DDX39A: variants seen among roughly 807,000 people sequenced by gnomAD.
DDX39A encodes ATP-dependent RNA helicase DDX39A.
DDX39A carries 13 observed loss-of-function variants against 46.3 expected under a neutral mutation model. The ratio of observed to expected loss-of-function variants is 0.28; its 90% CI spans 0.18 to 0.45. DDX39A has a LOEUF of 0.45. DDX39A is among the 20% of genes least tolerant of loss of function. DDX39A has a pLI of 1.00. For missense variants in DDX39A, 352 were observed against 581.8 expected (o/e 0.61, Z 4.06); for synonymous variants, 234 against 224.6 (o/e 1.04, Z -0.38).
chr19:14,411,046 G>C lies in DDX39A; in HGVS notation c.556C>G (p.Leu186Val). The change falls in exon 5 of 11, where the codon CTA becomes GTA. Residue 186 changes from leucine to valine, a missense_variant. By Grantham distance (32) the Leu-to-Val change is conservative. Coordinates refer to ENST00000242776, the MANE Select transcript of DDX39A (RefSeq NM_005804.4). The surrounding 1 kb of genome is among the most constrained non-coding windows in gnomAD (Gnocchi z 4.1). Reference protein sequence around the residue: ...LALVRNRSFSLKNVKHFVLDE... With the variant: ...LALVRNRSFSVKNVKHFVLDE... ...AGCACAAAGTGCTTCACATTCTTTA[G>C]GCTGAAGCTCCTATTCCGCACGAGC... 6.2e-7 allele frequency: 1 copy of C among 1,611,542 alleles called. No homozygotes were observed. The highest frequency in any genetic ancestry group is 8.5e-7 in the Non-Finnish European group (1 of 1,178,788).
chr19:14,418,120 C>CAA (rs60701169), intron 1 of DDX39A, among the ~76,000 whole-genome samples: 3,689 of 50,922 alleles, frequency 0.072, 285 homozygotes, highest in African/African-American at 0.12. Context: ...GGCTCTGTCT[C>CAA]AAAAAAAAAA....
At position 14,410,670 on chromosome 19, in the gene DDX39A, C is replaced by T. The variant is rs1265712275; in HGVS notation, c.613+319G>A. ...CCTCCCAGGACACAAGCCCATCTCCCACCGGCCCTGTCGGGGCTCACTGAG... is the reference window on the plus strand; with the variant it reads ...CCTCCCAGGACACAAGCCCATCTCCTACCGGCCCTGTCGGGGCTCACTGAG... On this transcript the variant is annotated intron_variant, in intron 5 of 10. Transcript: ENST00000242776. The surrounding 1 kb of genome is among the most constrained non-coding windows in gnomAD (Gnocchi z 4.3). 3 of 517,926 alleles carry T rather than the reference C, an allele frequency of 5.8e-6. No individual in the cohort carries two copies. The highest frequency in any genetic ancestry group is 1.1e-5 in the Non-Finnish European group (3 of 284,308). 32.1% of individuals were successfully genotyped at this position (517,926 alleles called of 1,614,324 possible). A position where few individuals can be genotyped will look rare whatever the true frequency, so the allele number is the denominator to read the frequency against.
rs774780759 is a variant in DDX39A, at chr19:14,409,179, G to A, written c.1125C>T (p.Ala375=). The change falls in exon 10 of 11, where the codon GCC becomes GCT. Residue 375 remains alanine (A), a synonymous_variant. Transcript: ENST00000242776. The surrounding 1 kb of genome is among the most constrained non-coding windows in gnomAD (Gnocchi z 8.3). ...EDSDTYLHRV[A]RAGRFGTKGL... is the part of the protein sequence containing the mutation. ...CTTTGGTGCCAAAGCGACCCGCCCG[G>A]GCCACCTGCAGGCAGACAGGATCAG... is the stretch of plus-strand genomic sequence containing the variant. The A allele has an allele frequency of 3.1e-6, 5 of 1,614,030 alleles. No homozygotes were observed. In the Admixed American group the frequency reaches 8.3e-5, roughly 27 times the overall value.
At chr19:14,417,981 C>A (rs1364176427) in intron 1 of DDX39A, among the ~76,000 whole-genome samples, 1 of 151,980 alleles carries the variant, frequency 6.6e-6, no homozygotes, top group Non-Finnish European at 1.5e-5. Context: ...CAAGCCTGGG[C>A]AACATGGTGA....
chr19:14,411,162 AAC>A lies in DDX39A; in HGVS notation c.438_439del (p.Phe147LeufsTer10), dbSNP rs1227639910. ...CTTCTTGATGGAGAGACCACCGAAG[AAC>A]ACAGACACCTATGGGGATGAGGAGG... is the stretch of plus-strand genomic sequence containing the variant. On this transcript the variant is annotated frameshift_variant, in exon 5 of 11. Coordinates refer to ENST00000242776, the MANE Select transcript of DDX39A (RefSeq NM_005804.4). LOFTEE classifies it high-confidence loss of function. The surrounding 1 kb of genome is among the most constrained non-coding windows in gnomAD (Gnocchi z 4.1). The A allele has an allele frequency of 6.3e-7, 1 of 1,584,534 alleles. No homozygotes were observed. The highest frequency in any genetic ancestry group is 8.6e-7 in the Non-Finnish European group (1 of 1,166,698).
At chr19:14,416,959 A>G (rs1976833745) in intron 1 of DDX39A, among the ~76,000 whole-genome samples, 1 of 152,158 alleles carries the variant, frequency 6.6e-6, no homozygotes, top group African/African-American at 2.4e-5. Flanking sequence ...CTGGGATTAC[A>G]GGAATGAGCC....
Position 14,411,650 on chromosome 19 carries a change from C to A in DDX39A, c.337-52G>T. 6.5e-7 allele frequency: 1 copy of A among 1,540,124 alleles called. No homozygotes were observed. Among genetic ancestry groups the A allele is most frequent in the Non-Finnish European group, 8.9e-7 (1 of 1,117,838 alleles). Reference sequence around the variant, plus strand: ...TTACCTTAGGCAGTGTCCTAAACCCCTTCCCCACCAGAGTCCACCCAACCC... The same window carrying A: ...TTACCTTAGGCAGTGTCCTAAACCCATTCCCCACCAGAGTCCACCCAACCC... On this transcript the variant is annotated intron_variant, in intron 3 of 10. Transcript: ENST00000242776. This position sits in a 1 kb window ranked among gnomAD's most constrained non-coding sequence, Gnocchi z 4.1.
chr19:14,413,112 A>T lies in DDX39A; in HGVS notation c.109T>A (p.Ser37Thr). 1 of 1,614,112 alleles carries T rather than the reference A, an allele frequency of 6.2e-7. No homozygotes were observed. Among genetic ancestry groups the T allele is most frequent in the Non-Finnish European group, 8.5e-7 (1 of 1,180,008 alleles). The change falls in exon 2 of 11, where the codon TCC (serine) becomes ACC (threonine). Residue 37 changes from serine to threonine, a missense_variant. Physicochemically the swap from Ser to Thr is moderately conservative, Grantham distance 58. Around this residue, in one of 3 missense-constraint regions of DDX39A, gnomAD observed 46 missense variants for 78.2 expected, o/e 0.59. Coordinates refer to ENST00000242776, the MANE Select transcript of DDX39A (RefSeq NM_005804.4). Reference sequence around the variant, plus strand: ...CCAGAGCTGTGGATGGAAACGTAGGATCCCTTGATGTCTTTCTTAGGGGGA... The same window carrying T: ...CCAGAGCTGTGGATGGAAACGTAGGTTCCCTTGATGTCTTTCTTAGGGGGA... ...PAPPKKDIKG[S>T]YVSIHSSGFR...
chr19:14,413,218 CATG>C lies in DDX39A; in HGVS notation c.-1_2del. Reference sequence around the variant, plus strand: ...GATCGTTTTCCACATCCTGTTCTGCCATGATGCTGAGAAGAGAGAGAGGCAGGG... The same window carrying C: ...GATCGTTTTCCACATCCTGTTCTGCCATGCTGAGAAGAGAGAGAGGCAGGG... On this transcript the variant is annotated start_lost and start_retained_variant and 5_prime_UTR_variant, in exon 2 of 11. Transcript: ENST00000242776. 4 of 1,613,596 alleles carry C rather than the reference CATG, an allele frequency of 2.5e-6. No homozygotes were observed. The highest frequency in any genetic ancestry group is 3.4e-6 in the Non-Finnish European group (4 of 1,179,794).
At position 14,408,950 on chromosome 19, in the gene DDX39A, C is replaced by G. The variant is rs1217352698; in HGVS notation, c.1270G>C (p.Glu424Gln). The G allele has an allele frequency of 6.2e-7, 1 of 1,601,302 alleles. No individual in the cohort carries two copies. Among genetic ancestry groups the G allele is most frequent in the East Asian group, 2.2e-5 (1 of 44,588 alleles). ...PEEIDISTYIEQSR is the reference protein window; with the variant it reads ...PEEIDISTYIQQSR ...GCACGTGGTGGTTACCGGCTCTGCTCGACTGTAAGACATGAGATGCAGTGA... is the reference window on the plus strand; with the variant it reads ...GCACGTGGTGGTTACCGGCTCTGCTGGACTGTAAGACATGAGATGCAGTGA... Residue 424 changes from glutamate (E) to glutamine (Q), a missense_variant and splice_region_variant, in exon 11 of 11, where the codon GAG becomes CAG. Transcript: ENST00000242776.
chr19:14,412,878 G>T lies in DDX39A; in HGVS notation c.208+135C>A. ...CCGAGGGCAGCCACAGGCCCCGCTGGGCACAACTGATCCGCGGGACAGACG... is the reference window on the plus strand; with the variant it reads ...CCGAGGGCAGCCACAGGCCCCGCTGTGCACAACTGATCCGCGGGACAGACG... On this transcript the variant is annotated intron_variant, in intron 2 of 10. Coordinates refer to ENST00000242776, the MANE Select transcript of DDX39A (RefSeq NM_005804.4). This position sits in a 1 kb window ranked among gnomAD's most constrained non-coding sequence, Gnocchi z 4.4. 7.8e-7 allele frequency: 1 copy of T among 1,277,582 alleles called. No homozygotes were observed. The highest frequency in any genetic ancestry group is 1.1e-6 in the Non-Finnish European group (1 of 930,686). 79.1% of individuals were successfully genotyped at this position (1,277,582 alleles called of 1,614,324 possible).
At chr19:14,417,201 G>A (rs973107501) in intron 1 of DDX39A, among the ~76,000 whole-genome samples, 15 of 152,138 alleles carry the variant, frequency 9.9e-5, no homozygotes, top group African/African-American at 3.6e-4. Context: ...CCAAAAGACA[G>A]GAACATCCCC....
intron 1 of DDX39A, 41 bp from the exon 2 acceptor site, chr19:14,413,265 A>C: frequency 1.3e-6 from 2 of 1,546,820 alleles, no homozygotes; most frequent in African/African-American, 2.7e-5. Context: ...GTGGGCACAG[A>C]AGGATGATGA....
In DDX39A at chr19:14,412,556, C is replaced by G. The variant is rs1399804195; in HGVS notation, c.331G>C (p.Gly111Arg). Reference protein sequence around the residue: ...ATLQQIEPVNGQVTVLVMCHT... With the variant: ...ATLQQIEPVNRQVTVLVMCHT... Reference sequence around the variant, plus strand: ...GAAGGGAGGAGCCCACCCACCTGTCCGTTGACAGGCTCAATCTGCTGTAGG... The same window carrying G: ...GAAGGGAGGAGCCCACCCACCTGTCGGTTGACAGGCTCAATCTGCTGTAGG... The change falls in exon 3 of 11, where the codon GGA becomes CGA. Residue 111 changes from glycine (G) to arginine (R), a missense_variant. Physicochemically the swap from Gly to Arg is moderately radical, Grantham distance 125 (BLOSUM62 -2). Around this residue, in one of 3 missense-constraint regions of DDX39A, gnomAD observed 301 missense variants for 469.9 expected, o/e 0.64. Transcript: ENST00000242776. This position sits in a 1 kb window ranked among gnomAD's most constrained non-coding sequence, Gnocchi z 4.4. The G allele has an allele frequency of 1.2e-6, 2 of 1,607,752 alleles. No individual in the cohort carries two copies. Among genetic ancestry groups the G allele is most frequent in the African/African-American group, 2.7e-5 (2 of 75,040 alleles).
In DDX39A at chr19:14,411,289, C is replaced by A; in HGVS notation, c.430-117G>T. The stretch of plus-strand genomic sequence containing the variant: ...GGGACCAAGGCAGGCCTGAGAGCCT[C>A]CCGGGGCTCCACTCAAAGGCAGCCC... On this transcript the variant is annotated intron_variant, in intron 4 of 10. Coordinates refer to ENST00000242776, the MANE Select transcript of DDX39A (RefSeq NM_005804.4). This position sits in a 1 kb window ranked among gnomAD's most constrained non-coding sequence, Gnocchi z 4.1. 1 of 1,260,112 alleles carries A rather than the reference C, an allele frequency of 7.9e-7. No individual in the cohort carries two copies. The highest frequency in any genetic ancestry group is 1.5e-5 in the South Asian group (1 of 68,402). 78.1% of individuals were successfully genotyped at this position (1,260,112 alleles called of 1,614,324 possible). A position where few individuals can be genotyped will look rare whatever the true frequency, so the allele number is the denominator to read the frequency against.
Position 14,411,756 on chromosome 19 carries a change from C to T in DDX39A, c.337-158G>A, listed in dbSNP as rs1052038376. Among the ~76,000 whole-genome samples the T allele has an allele frequency of 1.3e-5, 2 of 152,114 alleles. No individual in the cohort carries two copies. Among genetic ancestry groups the T allele is most frequent in the African/African-American group, 4.8e-5 (2 of 41,424 alleles). ...GCCTCCCACTTCTCACGGCCCTTCC[C>T]CACCCCTCACTCCCTATACCCTCCC... On this transcript the variant is annotated intron_variant, in intron 3 of 10. Coordinates refer to ENST00000242776, the MANE Select transcript of DDX39A (RefSeq NM_005804.4). The surrounding 1 kb of genome is among the most constrained non-coding windows in gnomAD (Gnocchi z 4.1).
At position 14,418,314 on chromosome 19, in the gene DDX39A, G is replaced by A. The variant is rs540722524; in HGVS notation, c.-5+956C>T. Among the ~76,000 whole-genome samples, 34 of 152,146 alleles carry A rather than the reference G, an allele frequency of 2.2e-4. 2 individuals are homozygous for A. Among genetic ancestry groups the A allele is most frequent in the African/African-American group, 7.9e-4 (33 of 41,534 alleles). ...CCATGACCGCTAAGGCGCCAGGAGC[G>A]CATGAACTTGAAAGGTGACAGCGGG... On this transcript the variant is annotated intron_variant, in intron 1 of 10. Transcript: ENST00000242776.
Position 14,410,674 on chromosome 19 carries a change from G to A in DDX39A, c.613+315C>T, listed in dbSNP as rs1215325568. ...CCAGGACACAAGCCCATCTCCCACC[G>A]GCCCTGTCGGGGCTCACTGAGGGCA... On this transcript the variant is annotated intron_variant, in intron 5 of 10. Transcript: ENST00000242776. The surrounding 1 kb of genome is among the most constrained non-coding windows in gnomAD (Gnocchi z 4.3). The A allele has an allele frequency of 1.4e-5, 7 of 515,794 alleles. No homozygotes were observed. Among genetic ancestry groups the A allele is most frequent in the East Asian group, 6.8e-5 (2 of 29,506 alleles). 32.0% of individuals were successfully genotyped at this position (515,794 alleles called of 1,614,324 possible). A position where few individuals can be genotyped will look rare whatever the true frequency, so the allele number is the denominator to read the frequency against.
chr19:14,409,847 C>T lies in DDX39A; in HGVS notation c.759G>A (p.Glu253=). 1 of 1,614,070 alleles carries T rather than the reference C, an allele frequency of 6.2e-7. No individual in the cohort carries two copies. Among genetic ancestry groups the T allele is most frequent in the Non-Finnish European group, 8.5e-7 (1 of 1,180,034 alleles). The change falls in exon 7 of 11, where the codon GAG becomes GAA. Residue 253 remains glutamate (E), a synonymous_variant. Transcript: ENST00000242776. This position sits in a 1 kb window ranked among gnomAD's most constrained non-coding sequence, Gnocchi z 8.3. ...QDPMEVFVDD[E]TKLTLHGLQQ... Reference sequence around the variant, plus strand: ...GCAGGCCGTGCAGCGTGAGCTTGGTCTCGTCGTCCACAAACACCTCCATGG... The same window carrying T: ...GCAGGCCGTGCAGCGTGAGCTTGGTTTCGTCGTCCACAAACACCTCCATGG...
Sources: allele counts gnomAD v4.1 joint callset (sites outside exome capture counted in the v4.1 genomes callset), GRCh38; gene constraint gnomAD v4.1.1; regional missense constraint gnomAD v4.1.1; non-coding constraint Gnocchi (gnomAD v3.1); transcripts MANE v1.5; gene names NCBI Gene and HGNC (gene_info 2026-07-23, HGNC 2026-07-21).